APLP1: variants seen among roughly 807,000 people sequenced by gnomAD.
APLP1 encodes amyloid beta (A4) precursor-like protein 1.
Under a neutral mutation model 84.5 loss-of-function variants are expected in APLP1, and 46 were observed. The observed-to-expected ratio is 0.54, with a 90% CI of 0.43 to 0.70. APLP1 has a LOEUF of 0.70. Ranked by LOEUF, APLP1 falls within the 30% of genes least tolerant of loss-of-function variation. The probability of loss-of-function intolerance (pLI) is 0.00; values close to 1 mark genes in which losing one functional copy is unlikely to be tolerated. For synonymous variants in APLP1, 376 were observed against 364.0 expected, an observed-to-expected ratio of 1.03 and a Z score of -0.38; for missense variants, 826 against 900.2, an observed-to-expected ratio of 0.92 and a Z score of 1.05.
chr19:35,875,592 A>G (rs956006969), intron 10 of APLP1, among the ~76,000 whole-genome samples: 1 of 152,052 alleles, frequency 6.6e-6, no homozygotes, highest in African/African-American at 2.4e-5. Flanking sequence ...AAGTACTCGG[A>G]TTACAGGTGT....
chr19:35,870,891 C>G lies in APLP1; in HGVS notation c.292-5C>G, dbSNP rs1974126265. On this transcript the variant is annotated splice_polypyrimidine_tract_variant and splice_region_variant and intron_variant, in intron 2 of 16. Transcript: ENST00000221891. Reference sequence around the variant, plus strand: ...GGGCTGATTGCCCCCATCTGATCCCCCCAGATGTACCCGGAGCTGCAGATT... The same window carrying G: ...GGGCTGATTGCCCCCATCTGATCCCGCCAGATGTACCCGGAGCTGCAGATT... 6.2e-7 allele frequency: 1 copy of G among 1,603,832 alleles called. No individual in the cohort carries two copies. The highest frequency in any genetic ancestry group is 1.3e-5 in the African/African-American group (1 of 74,992).
At chr19:35,877,483 T>C (rs1451728717) in intron 11 of APLP1, among the ~76,000 whole-genome samples, 1 of 145,962 alleles carries the variant, frequency 6.9e-6, no homozygotes, top group African/African-American at 2.6e-5. Context: ...AGTGAGACTC[T>C]GTCTCAAAAA....
intron 7 of APLP1, 94 bp downstream of exon 7, chr19:35,872,707 G>T (rs2146906109): frequency 2.2e-5 from 32 of 1,423,056 alleles, no homozygotes; most frequent in Non-Finnish European, 2.6e-5. Context: ...ACCTCCAAAG[G>T]CTCCCTAAGC....
At position 35,878,642 on chromosome 19, in the gene APLP1, G is replaced by C; in HGVS notation, c.1638G>C (p.Gln546His). 2 of 1,614,178 alleles carry C rather than the reference G, an allele frequency of 1.2e-6. No homozygotes were observed. Among genetic ancestry groups the C allele is most frequent in the Non-Finnish European group, 1.7e-6 (2 of 1,180,028 alleles). ...PEKEKMNPLE[Q>H]YERKVNASVP... The stretch of plus-strand genomic sequence containing the variant: ...AAGAGAAGATGAACCCGCTGGAACA[G>C]TATGAGCGAAAGGTAAGTTAGTCAG... The change falls in exon 14 of 17, where the codon CAG (glutamine) becomes CAC (histidine). Residue 546 changes from glutamine (Q) to histidine (H), a missense_variant. Around this residue, in one of 3 missense-constraint regions of APLP1, gnomAD observed 433 missense variants for 496.5 expected, o/e 0.87. Coordinates refer to ENST00000221891, the MANE Select transcript of APLP1 (RefSeq NM_001024807.3).
rs189505471 is a variant in APLP1 at position 35,874,921 on chromosome 19, C to T, written c.1344+52C>T. 93 of 1,584,358 alleles carry T rather than the reference C, an allele frequency of 5.9e-5. No homozygotes were observed. The East Asian group carries it at 1.8e-3, about 30-fold the overall frequency. ...TGCGCCGCTATTCCTCAGACGCCCG[C>T]GCCTCAGGCTCTTCTCTTGTCCCTT... is the stretch of plus-strand genomic sequence containing the variant. On this transcript the variant is annotated intron_variant, in intron 10 of 16. Transcript: ENST00000221891. This position sits in a 1 kb window ranked among gnomAD's most constrained non-coding sequence, Gnocchi z 6.4.
Position 35,869,952 on chromosome 19 carries a change from G to C in APLP1, c.291+142G>C, listed in dbSNP as rs1599881295. The stretch of plus-strand genomic sequence containing the variant: ...AGAGGCGCAACTATGCTAGGGGCAG[G>C]GGACCTGTTTTGAGATACTAAGTCA... On this transcript the variant is annotated intron_variant, in intron 2 of 16. Transcript: ENST00000221891. 8.0e-6 allele frequency: 9 copies of C among 1,130,700 alleles called. No individual in the cohort carries two copies. The East Asian group carries it at 2.1e-4, about 27-fold the overall frequency. The allele number at this position is 1,130,700 out of a possible 1,614,324, so 70.0% of individuals were successfully genotyped here. A position where few individuals can be genotyped will look rare whatever the true frequency, so the allele number is the denominator to read the frequency against.
At position 35,879,414 on chromosome 19, in the gene APLP1, T is replaced by C. The variant is rs750541377; in HGVS notation, c.1929T>C (p.Thr643=). Residue 643 remains threonine (T), a synonymous_variant, in exon 17 of 17, where the codon ACT becomes ACC. Transcript: ENST00000221891. Reference sequence around the variant, plus strand: ...AGCGGCACGGCTATGAGAACCCCACTTACCGCTTCCTGGAGGAACGACCCT... The same window carrying C: ...AGCGGCACGGCTATGAGAACCCCACCTACCGCTTCCTGGAGGAACGACCCT... ...ELQRHGYENP[T]YRFLEERP The C allele has an allele frequency of 6.2e-7, 1 of 1,613,548 alleles. No individual in the cohort carries two copies. Among genetic ancestry groups the C allele is most frequent in the Non-Finnish European group, 8.5e-7 (1 of 1,180,006 alleles).
rs765143849 is a variant in APLP1, at chr19:35,874,831, G to A, written c.1306G>A (p.Ala436Thr). ...GCTGCGCCACTACCAGCATGTGGCCGCCGTGGATCCCGAGAAGGCACAGCA... is the reference window on the plus strand; with the variant it reads ...GCTGCGCCACTACCAGCATGTGGCCACCGTGGATCCCGAGAAGGCACAGCA... ...HTLRHYQHVAAVDPEKAQQMR... is the reference protein window; with the variant it reads ...HTLRHYQHVATVDPEKAQQMR... Residue 436 changes from alanine (A) to threonine (T), a missense_variant, in exon 10 of 17, where the codon GCC becomes ACC. Coordinates refer to ENST00000221891, the MANE Select transcript of APLP1 (RefSeq NM_001024807.3). This position sits in a 1 kb window ranked among gnomAD's most constrained non-coding sequence, Gnocchi z 6.4. 1.2e-5 allele frequency: 19 copies of A among 1,611,342 alleles called. No individual in the cohort carries two copies. In the East Asian group the frequency reaches 1.3e-4, roughly 11 times the overall value.
chr19:35,876,654 T>G (rs757675133), intron 11 of APLP1, 38 bp downstream of exon 11: 23 of 1,513,282 alleles, frequency 1.5e-5, no homozygotes, highest in Non-Finnish European at 1.8e-5. Context: ...TACAGATCTC[T>G]GAGGGCAGAT....
At position 35,871,890 on chromosome 19, in the gene APLP1, G is replaced by A. The variant is rs145848376; in HGVS notation, c.704G>A (p.Ser235Asn). ...DPSTRSWPPG[S>N]RVEGAEDEEE... Reference sequence around the variant, plus strand: ...TCCACCCGGTCCTGGCCCCCGGGGAGCAGAGTAGAGGGGGCTGAGGACGAG... The same window carrying A: ...TCCACCCGGTCCTGGCCCCCGGGGAACAGAGTAGAGGGGGCTGAGGACGAG... Residue 235 changes from serine to asparagine, a missense_variant, in exon 6 of 17, where the codon AGC becomes AAC. Ser to Asn is a conservative substitution (Grantham distance 46). Coordinates refer to ENST00000221891, the MANE Select transcript of APLP1 (RefSeq NM_001024807.3). 13 of 1,614,046 alleles carry A rather than the reference G, an allele frequency of 8.1e-6. No individual in the cohort carries two copies. The African/African-American group carries it at 1.3e-4, about 17-fold the overall frequency.
At chr19:35,878,500 C>G in intron 13 of APLP1, 84 bp from the exon 14 acceptor site, 1 of 1,403,178 alleles carries the variant, frequency 7.1e-7, no homozygotes, top group East Asian at 2.3e-5. Flanking sequence ...GAGCTGAGAT[C>G]ATGCCACTGC....
chr19:35,871,799 G>A, intron 5 of APLP1, 54 bp downstream of exon 5: 1 of 1,613,268 alleles, frequency 6.2e-7, no homozygotes, highest in Non-Finnish European at 8.5e-7. Context: ...GGCAGGGGAT[G>A]GAAGCCTGGG....
chr19:35,871,621 T>A lies in APLP1; in HGVS notation c.547T>A (p.Ser183Thr). 1 of 1,613,740 alleles carries A rather than the reference T, an allele frequency of 6.2e-7. No individual in the cohort carries two copies. Among genetic ancestry groups the A allele is most frequent in the East Asian group, 2.2e-5 (1 of 44,856 alleles). The change falls in exon 5 of 17, where the codon TCC becomes ACC. Residue 183 changes from serine to threonine, a missense_variant. Ser to Thr is a moderately conservative substitution (Grantham distance 58). Coordinates refer to ENST00000221891, the MANE Select transcript of APLP1 (RefSeq NM_001024807.3). ...CCCACTCTTCCTACAGGCCTGCAGC[T>A]CCCAGGGCCTCATCCTGCACGGCTC... ...RHQEAQEACS[S>T]QGLILHGSGM...
chr19:35,872,150 G>A (rs1974171086), intron 6 of APLP1, 114 bp downstream of exon 6: 1 of 1,301,674 alleles, frequency 7.7e-7, no homozygotes, highest in East Asian at 2.3e-5. Context: ...GCCCAACTGA[G>A]GAGAAAAGAC....
intron 6 of APLP1, 62 bp from the exon 7 acceptor site, chr19:35,872,421 T>TA: frequency 6.3e-7 from 1 of 1,576,238 alleles, no homozygotes; most frequent in South Asian, 1.2e-5. Flanking sequence ...TGTGGTTCTC[T>TA]AGGTAGAAAA....
Position 35,879,666 on chromosome 19 carries a change from AATTT to A in APLP1, c.*230_*233del, listed in dbSNP as rs143741403. The A allele has an allele frequency of 0.032, 17,743 of 551,226 alleles. 319 individuals are homozygous for A. Among genetic ancestry groups the A allele is most frequent in the African/African-American group, 0.04 (2,109 of 52,176 alleles). 34.1% of individuals were successfully genotyped at this position (551,226 alleles called of 1,614,324 possible). The stretch of plus-strand genomic sequence containing the variant: ...TCCCCACGTGGCACCTCCTCACCTT[AATTT>A]ATTTTTTAAGTTTATTTATGGCTCT... On this transcript the variant is annotated 3_prime_UTR_variant, in exon 17 of 17. Transcript: ENST00000221891.
chr19:35,874,821 G>A lies in APLP1; in HGVS notation c.1296G>A (p.Gln432=), dbSNP rs374217287. ...KEQRHTLRHY[Q]HVAAVDPEKA... ...AGAGGCACACGCTGCGCCACTACCA[G>A]CATGTGGCCGCCGTGGATCCCGAGA... Residue 432 remains glutamine, a synonymous_variant, in exon 10 of 17, where the codon CAG becomes CAA. Transcript: ENST00000221891. This position sits in a 1 kb window ranked among gnomAD's most constrained non-coding sequence, Gnocchi z 6.4. 1.2e-6 allele frequency: 2 copies of A among 1,612,018 alleles called. No homozygotes were observed. Among genetic ancestry groups the A allele is most frequent in the Non-Finnish European group, 1.7e-6 (2 of 1,180,008 alleles).
chr19:35,875,617 G>A (rs948569991), intron 10 of APLP1, among the ~76,000 whole-genome samples: 4 of 151,890 alleles, frequency 2.6e-5, no homozygotes, highest in Non-Finnish European at 5.9e-5. Context: ...CACCACGCCC[G>A]GCCCCAGCTA....
At position 35,871,675 on chromosome 19, in the gene APLP1, C is replaced by T. The variant is rs758414613; in HGVS notation, c.601C>T (p.Arg201Trp). The change falls in exon 5 of 17, where the codon CGG becomes TGG. Residue 201 changes from arginine (R) to tryptophan (W), a missense_variant. By Grantham distance (101) the Arg-to-Trp change is moderately radical (BLOSUM62 -3). Transcript: ENST00000221891. Reference protein sequence around the residue: ...SGMLLPCGSDRFRGVEYVCCP... With the variant: ...SGMLLPCGSDWFRGVEYVCCP... ...CATGCTCTTACCCTGTGGCTCGGAT[C>T]GGTTCCGTGGTGTGGAGTATGTGTG... 10 of 1,614,090 alleles carry T rather than the reference C, an allele frequency of 6.2e-6. No homozygotes were observed. Among genetic ancestry groups the T allele is most frequent in the Admixed American group, 3.3e-5 (2 of 60,022 alleles).
Sources: allele counts gnomAD v4.1 joint callset (sites outside exome capture counted in the v4.1 genomes callset), GRCh38; gene constraint gnomAD v4.1.1; regional missense constraint gnomAD v4.1.1; non-coding constraint Gnocchi (gnomAD v3.1); transcripts MANE v1.5; gene names NCBI Gene and HGNC (gene_info 2026-07-23, HGNC 2026-07-21).